Variants in DLC1 observed in about 807,000 individuals in gnomAD.
The protein encoded by DLC1 is rho GTPase-activating protein 7.
DLC1 carries 54 observed loss-of-function variants against 140.3 expected under a neutral mutation model. The ratio of observed to expected loss-of-function variants is 0.38; its 90% confidence interval spans 0.31 to 0.48. DLC1 has a LOEUF of 0.48. DLC1 is among the 20% of genes least tolerant of loss of function. The pLI is 0.96. For synonymous variants in DLC1, 986 were observed against 728.1 expected (o/e 1.35, Z -5.70); for missense variants, 2,536 against 1,907.0 (o/e 1.33, Z -6.14).
intron 5 of DLC1, among the ~76,000 whole-genome samples, chr8:13,154,389 G>A (rs1348524108): frequency 3.3e-5 from 5 of 152,198 alleles, no homozygotes; most frequent in Admixed American, 6.5e-5. Flanking sequence ...TGGCGCCTGC[G>A]GGCCAGCAGT....
At chr8:13,341,305 A>T (rs1485102676) in intron 4 of DLC1, 1 of 152,232 alleles carries the variant, frequency 6.6e-6, no homozygotes, top group African/African-American at 2.4e-5. Context: ...GAAAATCATG[A>T]TGCAGGAATG....
Position 13,090,210 on chromosome 8 carries a change from G to A in DLC1, c.4074+42C>T, listed in dbSNP as rs754367871. The A allele has an allele frequency of 7.6e-6, 12 of 1,578,298 alleles. No individual in the cohort carries two copies. The East Asian group carries it at 1.8e-4, about 24-fold the overall frequency. On this transcript the variant is annotated intron_variant, in intron 15 of 17. Transcript: ENST00000276297. ...GTTATCTCTGATGGACCCAAGCTTC[G>A]ACTCCTGGACTCAACTAGCCGACAA...
At chr8:13,541,392 C>T (rs1440672758) in intron 1 of DLC1, among the ~76,000 whole-genome samples, 1 of 152,268 alleles carries the variant, frequency 6.6e-6, no homozygotes, top group East Asian at 1.9e-4. Flanking sequence ...TCCAATGTGG[C>T]TGAACTATTT....
At chr8:13,448,681 A>G (rs1046163512) in intron 2 of DLC1, among the ~76,000 whole-genome samples, 4 of 152,138 alleles carry the variant, frequency 2.6e-5, no homozygotes, top group Non-Finnish European at 1.5e-5. Context: ...TTTTAAGAAT[A>G]GTGTCTACAT....
At chr8:13,097,714 T>C (rs894377686) in intron 10 of DLC1, among the ~76,000 whole-genome samples, 11 of 152,140 alleles carry the variant, frequency 7.2e-5, no homozygotes, top group African/African-American at 2.7e-4. Context: ...TTACTTATAG[T>C]GGATTATTCT....
At chr8:13,397,897 C>G (rs2117236412) in intron 3 of DLC1, among the ~76,000 whole-genome samples, 1 of 152,076 alleles carries the variant, frequency 6.6e-6, no homozygotes, top group African/African-American at 2.4e-5. Flanking sequence ...CTTCTGGAGG[C>G]CGAGGTGAGC....
chr8:13,420,717 C>G (rs914112315), intron 2 of DLC1, among the ~76,000 whole-genome samples: 1 of 152,058 alleles, frequency 6.6e-6, no homozygotes, highest in Non-Finnish European at 1.5e-5. Context: ...CATCCATGTC[C>G]CTGCAAATCA....
chr8:13,570,989 A>T (rs1804634588), intron 1 of DLC1, among the ~76,000 whole-genome samples: 1 of 152,136 alleles, frequency 6.6e-6, no homozygotes, highest in Non-Finnish European at 1.5e-5. Flanking sequence ...GAACTCACGG[A>T]ATCAGGGAGT....
chr8:13,235,510 C>A (rs1282719149), intron 5 of DLC1, among the ~76,000 whole-genome samples: 1 of 152,022 alleles, frequency 6.6e-6, no homozygotes, highest in African/African-American at 2.4e-5. Flanking sequence ...TCTAAACCTC[C>A]TTCTAAAAGT....
At chr8:13,401,755 G>T in intron 2 of DLC1, 136 bp from the exon 3 acceptor site, 3 of 1,132,308 alleles carry the variant, frequency 2.6e-6, no homozygotes, top group Non-Finnish European at 2.4e-6. Context: ...GTTCCATTCT[G>T]TATCATCAAT....
chr8:13,594,811 A>G (rs1805632269), intron 1 of DLC1, among the ~76,000 whole-genome samples: 1 of 151,778 alleles, frequency 6.6e-6, no homozygotes, highest in South Asian at 2.1e-4. Flanking sequence ...GCAAGTTAGA[A>G]GAAATGATCT....
At chr8:13,300,442 A>G (rs1346871145) in intron 5 of DLC1, among the ~76,000 whole-genome samples, 1 of 152,244 alleles carries the variant, frequency 6.6e-6, no homozygotes, top group Non-Finnish European at 1.5e-5. Flanking sequence ...ATCATAAAAT[A>G]AAGTAAATCT....
chr8:13,405,046 A>AT lies in DLC1; in HGVS notation c.1024-3428dup, dbSNP rs112706602. On this transcript the variant is annotated intron_variant, in intron 2 of 17. Transcript: ENST00000276297. ...AATAAATTTTGTGTACTTCTGGAGG[A>AT]TTTTTTTTTTTTAGTAGTGGTTCCT... 3.2e-3 allele frequency among the ~76,000 whole-genome samples: 463 copies of AT among 144,672 alleles called. 1 individual carries two copies. The highest frequency in any genetic ancestry group is 4.1e-3 in the Admixed American group (59 of 14,496). 94.9% of individuals were successfully genotyped at this position (144,672 alleles called of 152,430 possible).
chr8:13,307,534 C>T (rs922751421), intron 4 of DLC1, among the ~76,000 whole-genome samples: 4 of 152,174 alleles, frequency 2.6e-5, no homozygotes, highest in Admixed American at 2.0e-4. Flanking sequence ...AGTCTAGCCC[C>T]TAAATTTACC....
chr8:13,484,867 G>T (rs1208504764), intron 2 of DLC1, among the ~76,000 whole-genome samples: 1 of 151,792 alleles, frequency 6.6e-6, no homozygotes, highest in Non-Finnish European at 1.5e-5. Flanking sequence ...GCTATGACCA[G>T]CAAGCAGAAG....
chr8:13,577,089 C>A (rs1563452302), intron 1 of DLC1, among the ~76,000 whole-genome samples: 1 of 152,132 alleles, frequency 6.6e-6, no homozygotes, highest in Non-Finnish European at 1.5e-5. Flanking sequence ...TGGTAATCCA[C>A]CATGGGGCAC....
At chr8:13,095,450 G>C in intron 10 of DLC1, 1 of 611,844 alleles carries the variant, frequency 1.6e-6, no homozygotes, top group Admixed American at 2.9e-5. Context: ...TTTGTGCTCA[G>C]TACCTACTGT....
chr8:13,566,290 A>G (rs1207250487), intron 1 of DLC1, among the ~76,000 whole-genome samples: 1 of 152,150 alleles, frequency 6.6e-6, no homozygotes, highest in Non-Finnish European at 1.5e-5. Flanking sequence ...TGCTAGCCAG[A>G]GGGGACCTGT....
chr8:13,230,597 CTTTTTTT>C (rs548424340), intron 5 of DLC1, among the ~76,000 whole-genome samples: 130 of 133,698 alleles, frequency 9.7e-4, no homozygotes, highest in African/African-American at 2.2e-3. Context: ...TTTCTTTTTT[CTTTTTTT>C]TTTTTTTTTG....
Sources: gnomAD v4.1 joint callset for allele counts (sites outside exome capture counted in the v4.1 genomes callset) on GRCh38, gnomAD v4.1.1 for gene constraint, MANE v1.5 for transcripts, NCBI Gene and HGNC (gene_info 2026-07-23, HGNC 2026-07-21) for gene names.